ARID3B: variants seen among roughly 807,000 people sequenced by gnomAD.
ARID3B encodes the protein AT-rich interaction domain 3B.
In ARID3B, 10 loss-of-function variants were observed where a neutral mutation model predicts 51.9. That is an observed-to-expected ratio of 0.19 (90% CI 0.12 to 0.33). The LOEUF is 0.33. ARID3B is among the 10% of genes least tolerant of loss of function. The probability of loss-of-function intolerance (pLI) is 1.00; values close to 1 mark genes in which losing one functional copy is unlikely to be tolerated. For missense variants in ARID3B, 483 were observed against 716.3 expected, an observed-to-expected ratio of 0.67 and a Z score of 3.72; for synonymous variants, 205 against 279.5, an observed-to-expected ratio of 0.73 and a Z score of 2.66.
At chr15:74,565,736 T>C (rs946828500) in intron 2 of ARID3B, among the ~76,000 whole-genome samples, 1 of 147,222 alleles carries the variant, frequency 6.8e-6, no homozygotes, top group Non-Finnish European at 1.5e-5. Flanking sequence ...TTTTTTTTGT[T>C]TTTTTTTTTT....
At chr15:74,552,920 A>G (rs796174883) in intron 2 of ARID3B, among the ~76,000 whole-genome samples, 4 of 152,148 alleles carry the variant, frequency 2.6e-5, no homozygotes, top group African/African-American at 9.6e-5. Context: ...TTGTGTAGAT[A>G]TAAGTTTCAG....
intron 8 of ARID3B, 83 bp downstream of exon 8, chr15:74,593,319 CTCTG>C (rs2061811058): frequency 7.6e-7 from 1 of 1,313,018 alleles, no homozygotes; most frequent in Non-Finnish European, 1.1e-6. Context: ...GCCTCTTACC[CTCTG>C]TCTGAACACC....
chr15:74,579,881 G>GCGCA (rs1555440740), intron 4 of ARID3B, among the ~76,000 whole-genome samples: 1 of 151,228 alleles, frequency 6.6e-6, no homozygotes, highest in Non-Finnish European at 1.5e-5. Flanking sequence ...GTGCGCGCGC[G>GCGCA]CGCACACGCA....
intron 2 of ARID3B, among the ~76,000 whole-genome samples, chr15:74,571,678 A>G (rs1269375904): frequency 6.6e-6 from 1 of 152,256 alleles, no homozygotes; most frequent in African/African-American, 2.4e-5. Context: ...CAAGGAGCTT[A>G]CCATATGGTG....
At position 74,590,009 on chromosome 15, in the gene ARID3B, T is replaced by C; in HGVS notation, c.881+6T>C. 6.2e-7 allele frequency: 1 copy of C among 1,604,078 alleles called. No homozygotes were observed. The highest frequency in any genetic ancestry group is 1.1e-5 in the South Asian group (1 of 90,150). ...GCCTTCACCCTCAGGACGCAGTGAG[T>C]GGCCAGGGCCTGGGAGAAGGAAGCT... On this transcript the variant is annotated splice_donor_region_variant and intron_variant, in intron 5 of 8. Coordinates refer to ENST00000346246, the MANE Select transcript of ARID3B (RefSeq NM_006465.4).
Position 74,573,170 on chromosome 15 carries a change from C to T in ARID3B, c.663C>T (p.Phe221=), listed in dbSNP as rs1201892491. 5 of 1,613,970 alleles carry T rather than the reference C, an allele frequency of 3.1e-6. No individual in the cohort carries two copies. In the Admixed American group the frequency reaches 8.3e-5, roughly 27 times the overall value. Residue 221 remains phenylalanine, a synonymous_variant, in exon 4 of 9, where the codon TTC becomes TTT. Transcript: ENST00000346246. Reference sequence around the variant, plus strand: ...ACGGTGATCCTGAAAGGAAAGAGTTCCTGGATGACCTCTTCGTCTTTATGC... The same window carrying T: ...ACGGTGATCCTGAAAGGAAAGAGTTTCTGGATGACCTCTTCGTCTTTATGC... ...ELDGDPERKE[F]LDDLFVFMQK... is the part of the protein sequence containing the mutation.
At chr15:74,553,779 CTTTTT>C (rs201255285) in intron 2 of ARID3B, among the ~76,000 whole-genome samples, 3 of 150,908 alleles carry the variant, frequency 2.0e-5, no homozygotes, top group South Asian at 4.2e-4. Context: ...TTTCTGCCCT[CTTTTT>C]TTTGTTTTGT....
rs1170293384 is a variant in ARID3B, at chr15:74,573,215, A to C, written c.697+11A>C. On this transcript the variant is annotated intron_variant, in intron 4 of 8. Transcript: ENST00000346246. The stretch of plus-strand genomic sequence containing the variant: ...TTATGCAGAAGAGGGGTGAGTGTGC[A>C]TCTACTCATCATTCCAATTCAGGGA... 6.2e-7 allele frequency: 1 copy of C among 1,613,030 alleles called. No homozygotes were observed. The highest frequency in any genetic ancestry group is 8.5e-7 in the Non-Finnish European group (1 of 1,178,982).
In ARID3B at chr15:74,596,880, C is replaced by T. The variant is rs2061828355; in HGVS notation, c.*1106C>T. ...CAAAGCCAAGCAAGTGATTGGGTAA[C>T]CCGGCCCCTCTGGCCCTTCCCTCAA... is the stretch of plus-strand genomic sequence containing the variant. On this transcript the variant is annotated 3_prime_UTR_variant, in exon 9 of 9. Transcript: ENST00000346246. The T allele has an allele frequency of 1.3e-5, 3 of 233,406 alleles. No homozygotes were observed. Among genetic ancestry groups the T allele is most frequent in the African/African-American group, 2.2e-5 (1 of 45,324 alleles). The allele number at this position is 233,406 out of a possible 1,614,324, so 14.5% of individuals were successfully genotyped here. A position where few individuals can be genotyped will look rare whatever the true frequency, so the allele number is the denominator to read the frequency against.
At chr15:74,541,634 G>A (rs1201617485) in intron 1 of ARID3B, among the ~76,000 whole-genome samples, 2 of 151,914 alleles carry the variant, frequency 1.3e-5, no homozygotes, top group African/African-American at 4.8e-5. Context: ...TGGCTGGGAG[G>A]GTTGGTAGAG....
intron 4 of ARID3B, among the ~76,000 whole-genome samples, chr15:74,577,246 G>A (rs1029135772): frequency 6.6e-6 from 1 of 151,666 alleles, no homozygotes; most frequent in Non-Finnish European, 1.5e-5. Context: ...TAGGTGGGAG[G>A]ATCACTTGAG....
At chr15:74,575,668 G>A (rs186084049) in intron 4 of ARID3B, among the ~76,000 whole-genome samples, 1 of 152,354 alleles carries the variant, frequency 6.6e-6, no homozygotes, top group East Asian at 1.9e-4. Flanking sequence ...CAAAGCAGGA[G>A]TGAGTGACTC....
intron 2 of ARID3B, among the ~76,000 whole-genome samples, chr15:74,568,716 G>A (rs1039785327): frequency 1.3e-5 from 2 of 152,124 alleles, no homozygotes; most frequent in African/African-American, 2.4e-5. Flanking sequence ...TCAGTTTCCT[G>A]TGAGCTCCTG....
In ARID3B at chr15:74,589,802, C is replaced by G; in HGVS notation, c.698-18C>G. 1.9e-6 allele frequency: 3 copies of G among 1,593,752 alleles called. No homozygotes were observed. Among genetic ancestry groups the G allele is most frequent in the Non-Finnish European group, 1.7e-6 (2 of 1,166,990 alleles). On this transcript the variant is annotated intron_variant, in intron 4 of 8. Coordinates refer to ENST00000346246, the MANE Select transcript of ARID3B (RefSeq NM_006465.4). ...GATGATGATCCCGCTGTCTCTTTCT[C>G]TCGTTGGACAACCACAGGGACCCCC...
rs552874996 is a variant in ARID3B at position 74,541,849 on chromosome 15, G to A, written c.-78+519G>A. Reference sequence around the variant, plus strand: ...GCTTGGTGGTCCGGGAACTTTAGGGGAAATGGGGGAGGGGCCCGTGTGAAG... The same window carrying A: ...GCTTGGTGGTCCGGGAACTTTAGGGAAAATGGGGGAGGGGCCCGTGTGAAG... On this transcript the variant is annotated intron_variant, in intron 1 of 8. Coordinates refer to ENST00000346246, the MANE Select transcript of ARID3B (RefSeq NM_006465.4). 2.4e-4 allele frequency among the ~76,000 whole-genome samples: 36 copies of A among 152,210 alleles called. No individual in the cohort carries two copies. In the South Asian group the frequency reaches 7.5e-3, roughly 32 times the overall value.
chr15:74,564,407 A>C (rs2061690574), intron 2 of ARID3B, among the ~76,000 whole-genome samples: 1 of 152,240 alleles, frequency 6.6e-6, no homozygotes, highest in Non-Finnish European at 1.5e-5. Context: ...CCAGCAGTAG[A>C]GTAGTCACAA....
intron 4 of ARID3B, among the ~76,000 whole-genome samples, chr15:74,587,607 G>A (rs867286944): frequency 6.6e-6 from 1 of 152,140 alleles, no homozygotes; most frequent in African/African-American, 2.4e-5. Flanking sequence ...GGGACCTGGG[G>A]AGTGGTCCTC....
intron 4 of ARID3B, 70 bp downstream of exon 4, chr15:74,573,274 T>C (rs770797974): frequency 4.0e-6 from 6 of 1,500,554 alleles, no homozygotes; most frequent in African/African-American, 2.8e-5. Context: ...TGCTAGTCAC[T>C]GTTAGACATC....
chr15:74,562,960 C>T (rs1042354511), intron 2 of ARID3B, among the ~76,000 whole-genome samples: 55 of 152,298 alleles, frequency 3.6e-4, no homozygotes, highest in African/African-American at 1.2e-3. Context: ...CTTCTAGACC[C>T]CTTTTCTAGA....
Sources: allele counts gnomAD v4.1 joint callset (sites outside exome capture counted in the v4.1 genomes callset), GRCh38; gene constraint gnomAD v4.1.1; transcripts MANE v1.5; gene names NCBI Gene and HGNC (gene_info 2026-07-23, HGNC 2026-07-21).